MST1R: variants seen among roughly 807,000 people sequenced by gnomAD.
MST1R encodes the protein macrophage-stimulating protein receptor.
In MST1R, 99 loss-of-function variants were observed where a neutral mutation model predicts 117.8. The ratio of observed to expected loss-of-function variants is 0.84; its 90% CI spans 0.71 to 0.99. The LOEUF is 0.99. Ranked by LOEUF, MST1R falls within the 50% of genes least tolerant of loss-of-function variation. The pLI, the probability that MST1R is intolerant of heterozygous loss-of-function variation, is 0.00. For missense variants in MST1R, 1,683 were observed against 1,840.2 expected, an observed-to-expected ratio of 0.91 and a Z score of 1.56; for synonymous variants, 734 against 765.3, an observed-to-expected ratio of 0.96 and a Z score of 0.68.
Position 49,902,839 on chromosome 3 carries a change from G to A in MST1R, c.771C>T (p.Ala257=), listed in dbSNP as rs1237808194. ...IEYVHSFHTG[A]FVYFLTVQPA... ...GCTGTACAGTCAGGAAGTATACGAA[G>A]GCTCCCGTGTGGAAGCTGTGCACGT... The change falls in exon 1 of 20, where the codon GCC becomes GCT. Residue 257 remains alanine, a synonymous_variant. Transcript: ENST00000296474. The A allele has an allele frequency of 1.2e-6, 2 of 1,613,594 alleles. No homozygotes were observed. The highest frequency in any genetic ancestry group is 1.7e-6 in the Non-Finnish European group (2 of 1,180,058).
chr3:49,887,639 C>T, intron 19 of MST1R, 77 bp from the exon 20 acceptor site: 1 of 1,527,154 alleles, frequency 6.5e-7, no homozygotes, highest in Non-Finnish European at 8.9e-7. Flanking sequence ...TGTTAAACCT[C>T]TGGCAGGCCA....
chr3:49,901,911 G>C (rs2082689352), intron 1 of MST1R, among the ~76,000 whole-genome samples: 1 of 131,424 alleles, frequency 7.6e-6, no homozygotes. Context: ...GCATCTCCCT[G>C]TGTATTTGTG....
chr3:49,892,516 G>A (rs2082344429), intron 14 of MST1R, among the ~76,000 whole-genome samples: 1 of 151,702 alleles, frequency 6.6e-6, no homozygotes, highest in Non-Finnish European at 1.5e-5. Context: ...GACAGGGCGA[G>A]ACTCCATCCC....
intron 1 of MST1R, among the ~76,000 whole-genome samples, chr3:49,899,862 GTGCCTGGCCCACCCCGTA>G (rs1419439704): frequency 6.6e-6 from 1 of 151,734 alleles, no homozygotes; most frequent in African/African-American, 2.4e-5. Context: ...ATGAGCCACG[GTGCCTGGCCCACCCCGTA>G]CATCTCACAG....
At chr3:49,896,657 G>A in intron 8 of MST1R, 24 bp from the exon 9 acceptor site, 1 of 1,613,180 alleles carries the variant, frequency 6.2e-7, no homozygotes, top group Non-Finnish European at 8.5e-7. Context: ...TAGGGTGGTA[G>A]GCTTTGGGTG....
Position 49,895,995 on chromosome 3 carries a change from G to A in MST1R, c.2762C>T (p.Ser921Phe). ...GDMVVCPLPPSLQLGQDGAPL... is the reference protein window; with the variant it reads ...GDMVVCPLPPFLQLGQDGAPL... ...GGCACCATCCTGGCCAAGCTGCAGG[G>A]ATGGGGGCAGGGGGCAGACAACCAT... Residue 921 changes from serine to phenylalanine, a missense_variant, in exon 11 of 20, where the codon TCC (serine) becomes TTC (phenylalanine). Transcript: ENST00000296474. The A allele has an allele frequency of 6.3e-7, 1 of 1,589,100 alleles. No homozygotes were observed. Among genetic ancestry groups the A allele is most frequent in the South Asian group, 1.2e-5 (1 of 85,838 alleles).
rs2082771997 is a variant in MST1R, at chr3:49,903,665, T to G, written c.-56A>C. On this transcript the variant is annotated 5_prime_UTR_variant, in exon 1 of 20. Transcript: ENST00000296474. Reference sequence around the variant, plus strand: ...ACCGGCCTGGGCCTGGACCTGGGCGTGGGCCTGGCTGGGGGCCCGACTCGA... The same window carrying G: ...ACCGGCCTGGGCCTGGACCTGGGCGGGGGCCTGGCTGGGGGCCCGACTCGA... 2.0e-6 allele frequency: 3 copies of G among 1,511,204 alleles called. No homozygotes were observed. Among genetic ancestry groups the G allele is most frequent in the Non-Finnish European group, 2.6e-6 (3 of 1,139,274 alleles). 93.6% of individuals were successfully genotyped at this position (1,511,204 alleles called of 1,614,324 possible).
Position 49,903,405 on chromosome 3 carries a change from C to T in MST1R, c.205G>A (p.Ala69Thr). 6.2e-7 allele frequency: 1 copy of T among 1,614,024 alleles called. No individual in the cohort carries two copies. Among genetic ancestry groups the T allele is most frequent in the East Asian group, 2.2e-5 (1 of 44,886 alleles). Reference sequence around the variant, plus strand: ...CGATTGCGTATGGCTACAAACACAGCACTCTCATTTCTGTCGCCCTCGTAG... The same window carrying T: ...CGATTGCGTATGGCTACAAACACAGTACTCTCATTTCTGTCGCCCTCGTAG... The part of the protein sequence containing the change: ...VTYEGDRNES[A>T]VFVAIRNRLH... Residue 69 changes from alanine (A) to threonine (T), a missense_variant, in exon 1 of 20, where the codon GCT (alanine) becomes ACT (threonine). Transcript: ENST00000296474.
At position 49,895,307 on chromosome 3, in the gene MST1R, T is replaced by TCA; in HGVS notation, c.3129_3130dup (p.Glu1044ValfsTer17). On this transcript the variant is annotated frameshift_variant, in exon 14 of 20. Transcript: ENST00000296474. LOFTEE classifies it high-confidence loss of function. ...CAGCAGTGGCACACAGGATTCATCT[T>TCA]CACTATCGGAGAAGGATGCTCCATG... The TCA allele has an allele frequency of 3.7e-6, 6 of 1,614,194 alleles. No individual in the cohort carries two copies. The highest frequency in any genetic ancestry group is 5.1e-6 in the Non-Finnish European group (6 of 1,180,048).
At chr3:49,888,410 T>G (rs1294458493) in intron 19 of MST1R, among the ~76,000 whole-genome samples, 1 of 133,700 alleles carries the variant, frequency 7.5e-6, no homozygotes, top group Non-Finnish European at 1.5e-5. Flanking sequence ...CACTCCAGCC[T>G]GGGCAACAGA....
intron 1 of MST1R, among the ~76,000 whole-genome samples, chr3:49,902,107 T>A (rs1178452402): frequency 6.6e-6 from 1 of 151,972 alleles, no homozygotes; most frequent in Non-Finnish European, 1.5e-5. Flanking sequence ...CCAGGGAAAC[T>A]ACCTAAAAAA....
In MST1R at chr3:49,902,642, AC is replaced by A. The variant is rs778536000; in HGVS notation, c.967del (p.Val323TrpfsTer15). ...GGCACCCACTGGAGCGGAGTGGGCC[AC>A]CCGCAGCACAGGGTAGGGCTGTCCG... is the stretch of plus-strand genomic sequence containing the variant. ...EGGQPYPVLRVAHSAPVGAQL... is the reference protein window; with the variant it reads ...EGGQPYPVLRXAHSAPVGAQL... On this transcript the variant is annotated frameshift_variant, in exon 1 of 20. Coordinates refer to ENST00000296474, the MANE Select transcript of MST1R (RefSeq NM_002447.4). LOFTEE classifies it high-confidence loss of function. The A allele has an allele frequency of 5.5e-5, 88 of 1,613,316 alleles. No homozygotes were observed. Among genetic ancestry groups the A allele is most frequent in the Non-Finnish European group, 6.9e-5 (82 of 1,180,048 alleles).
rs374275844 is a variant in MST1R at position 49,903,370 on chromosome 3, C to A, written c.240G>T (p.Val80=). 2.9e-5 allele frequency: 46 copies of A among 1,613,976 alleles called. No homozygotes were observed. In the East Asian group the frequency reaches 9.6e-4, roughly 34 times the overall value. ...VFVAIRNRLH[V]LGPDLKSVQS... ...GGACAGACTTCAGGTCAGGCCCAAG[C>A]ACATGCAGGCGATTGCGTATGGCTA... Residue 80 remains valine, a synonymous_variant, in exon 1 of 20, where the codon GTG becomes GTT. Transcript: ENST00000296474.
chr3:49,887,624 C>T, intron 19 of MST1R, 62 bp from the exon 20 acceptor site: 1 of 1,579,418 alleles, frequency 6.3e-7, no homozygotes, highest in Non-Finnish European at 8.6e-7. Flanking sequence ...GGGCCACCCA[C>T]TTGCTGTTAA....
intron 19 of MST1R, among the ~76,000 whole-genome samples, chr3:49,888,254 G>A (rs1559464803): frequency 6.6e-6 from 1 of 151,992 alleles, no homozygotes; most frequent in African/African-American, 2.4e-5. Flanking sequence ...GGCTAACACA[G>A]TGAAACCCCG....
At position 49,891,788 on chromosome 3, in the gene MST1R, G is replaced by T; in HGVS notation, c.3322C>A (p.Arg1108=). 1 of 1,614,030 alleles carries T rather than the reference G, an allele frequency of 6.2e-7. No individual in the cohort carries two copies. Among genetic ancestry groups the T allele is most frequent in the East Asian group, 2.2e-5 (1 of 44,874 alleles). Residue 1108 remains arginine, a synonymous_variant, in exon 15 of 20, where the codon CGA becomes AGA. Transcript: ENST00000296474. ...HGEYIDQAQN[R]IQCAIKSLSR... is the part of the protein sequence containing the mutation. ...AGTGACTTGATGGCACATTGGATTC[G>T]ATTCTGGGCCTGGTCTATGTATTCT... is the stretch of plus-strand genomic sequence containing the variant.
At position 49,902,427 on chromosome 3, in the gene MST1R, G is replaced by C. The variant is rs770039457; in HGVS notation, c.1183C>G (p.Arg395Gly). 1.9e-6 allele frequency: 3 copies of C among 1,614,140 alleles called. No individual in the cohort carries two copies. The highest frequency in any genetic ancestry group is 1.7e-6 in the Non-Finnish European group (2 of 1,180,034). The change falls in exon 1 of 20, where the codon CGG (arginine) becomes GGG (glycine). Residue 395 changes from arginine (R) to glycine (G), a missense_variant. Coordinates refer to ENST00000296474, the MANE Select transcript of MST1R (RefSeq NM_002447.4). ...GACTGGAAGAAGTCGAGGCCTCGCC[G>C]GAGGCCTGGATGGACTGGGGATTCA... ...CCESPVHPGLRRGLDFFQSPS... is the reference protein window; with the variant it reads ...CCESPVHPGLGRGLDFFQSPS...
Position 49,903,774 on chromosome 3 carries a change from A to C in MST1R, c.-165T>G. 7.4e-6 allele frequency: 7 copies of C among 944,608 alleles called. No individual in the cohort carries two copies. The highest frequency in any genetic ancestry group is 1.1e-5 in the Non-Finnish European group (7 of 657,890). 58.5% of individuals were successfully genotyped at this position (944,608 alleles called of 1,614,324 possible). ...CGCCCCAGGTTCCTGTGAAACCCAA[A>C]TCCCTTCCCGGCCCTCGGGTCTGAG... On this transcript the variant is annotated 5_prime_UTR_variant, in exon 1 of 20. Transcript: ENST00000296474.
At chr3:49,897,247 T>C in intron 7 of MST1R, 33 bp downstream of exon 7, 1 of 1,575,624 alleles carries the variant, frequency 6.3e-7, no homozygotes, top group Non-Finnish European at 8.6e-7. Context: ...GATAGAACCC[T>C]GCGGCCTCCC....
Sources: allele counts gnomAD v4.1 joint callset (sites outside exome capture counted in the v4.1 genomes callset), GRCh38; gene constraint gnomAD v4.1.1; transcripts MANE v1.5; gene names NCBI Gene and HGNC (gene_info 2026-07-23, HGNC 2026-07-21).